Variants in CYFIP2 observed in about 807,000 individuals in gnomAD.
CYFIP2 encodes the protein cytoplasmic FMR1-interacting protein 2.
A neutral mutation model predicts 158.7 loss-of-function variants in CYFIP2; 29 were observed. The ratio of observed to expected loss-of-function variants is 0.18; its 90% CI spans 0.14 to 0.25. CYFIP2 has a LOEUF of 0.25. CYFIP2 is among the 10% of genes least tolerant of loss of function. The probability of loss-of-function intolerance (pLI) is 1.00; values close to 1 mark genes in which losing one functional copy is unlikely to be tolerated. For missense variants in CYFIP2, 852 were observed against 1,639.5 expected (o/e 0.52, Z 8.29); for synonymous variants, 585 against 617.6 (o/e 0.95, Z 0.78).
chr5:157,331,719 A>G (rs1328983318), intron 20 of CYFIP2, among the ~76,000 whole-genome samples: 4 of 152,162 alleles, frequency 2.6e-5, no homozygotes, highest in African/African-American at 9.7e-5. Flanking sequence ...ATCGGTTACA[A>G]TGCAGCCAGA....
chr5:157,378,324 GTTC>G lies in CYFIP2; in HGVS notation c.3040-4259_3040-4257del, dbSNP rs550056253. 7.7e-3 allele frequency among the ~76,000 whole-genome samples: 1,166 copies of G among 152,254 alleles called. 9 individuals carry two copies. The highest frequency in any genetic ancestry group is 8.5e-3 in the Non-Finnish European group (579 of 68,004). On this transcript the variant is annotated intron_variant, in intron 26 of 30. Coordinates refer to ENST00000620254, the MANE Select transcript of CYFIP2 (RefSeq NM_001037333.3). ...ACAGAAGAAGGTAGCTCAGACTCTT[GTTC>G]TTCTTCAAACTGCATATATACCACA...
chr5:157,320,367 G>A (rs761882533), intron 14 of CYFIP2, among the ~76,000 whole-genome samples: 1 of 152,198 alleles, frequency 6.6e-6, no homozygotes, highest in Non-Finnish European at 1.5e-5. Context: ...CAGACCTCTT[G>A]CCTCACACAA....
At chr5:157,384,037 A>G (rs10054755) in intron 28 of CYFIP2, among the ~76,000 whole-genome samples, 16,939 of 152,272 alleles carry the variant, frequency 0.11, 939 homozygotes, top group Middle Eastern at 0.17. Flanking sequence ...TACCTAGTTT[A>G]TCATGGTGGC....
At chr5:157,389,617 C>G in intron 29 of CYFIP2, 190 bp downstream of exon 29, 1 of 577,400 alleles carries the variant, frequency 1.7e-6, no homozygotes, top group South Asian at 2.2e-5. Flanking sequence ...TAGTAAGACC[C>G]TCACTGCCTG....
rs138596899 is a variant in CYFIP2, at chr5:157,336,283, G to A, written c.2386-2774G>A. On this transcript the variant is annotated intron_variant, in intron 21 of 30. Coordinates refer to ENST00000620254, the MANE Select transcript of CYFIP2 (RefSeq NM_001037333.3). ...AGCAAACAGAGTCTCAGCAAGACCC[G>A]ATGCTGAAGTTGAGAACGGGCAGCC... Among the ~76,000 whole-genome samples, 844 of 152,276 alleles carry A rather than the reference G, an allele frequency of 5.5e-3. 7 individuals carry two copies. The highest frequency in any genetic ancestry group is 0.019 in the African/African-American group (803 of 41,532).
At chr5:157,276,991 T>C (rs1278699605) in intron 1 of CYFIP2, 2 of 152,092 alleles carry the variant, frequency 1.3e-5, no homozygotes, top group African/African-American at 2.4e-5. Flanking sequence ...GATATGACTA[T>C]GTATTCTATG....
intron 28 of CYFIP2, among the ~76,000 whole-genome samples, chr5:157,385,822 G>C (rs1766624723): frequency 6.6e-6 from 1 of 152,076 alleles, no homozygotes; most frequent in African/African-American, 2.4e-5. Flanking sequence ...AAGGAATATT[G>C]ATGATTCCGG....
chr5:157,293,922 C>T (rs1475003588), intron 3 of CYFIP2, among the ~76,000 whole-genome samples: 1 of 152,108 alleles, frequency 6.6e-6, no homozygotes, highest in East Asian at 1.9e-4. Context: ...GAAAACAGGC[C>T]TCATGTGCTG....
At chr5:157,348,341 A>G (rs1762836004) in intron 23 of CYFIP2, among the ~76,000 whole-genome samples, 1 of 152,076 alleles carries the variant, frequency 6.6e-6, no homozygotes, top group African/African-American at 2.4e-5. Context: ...TGACCTCCCA[A>G]GGCTCAGGAG....
intron 23 of CYFIP2, among the ~76,000 whole-genome samples, chr5:157,354,895 T>C (rs1304906305): frequency 6.6e-6 from 1 of 152,168 alleles, no homozygotes; most frequent in Non-Finnish European, 1.5e-5. Context: ...TGCCAGGAAG[T>C]GTTCAGGGAA....
intron 18 of CYFIP2, among the ~76,000 whole-genome samples, chr5:157,327,173 A>G (rs1214947790): frequency 6.6e-6 from 1 of 152,204 alleles, no homozygotes; most frequent in Non-Finnish European, 1.5e-5. Context: ...ATCACTGATG[A>G]TGAGACCCTG....
chr5:157,285,528 C>T (rs571089246), intron 2 of CYFIP2, 50 bp downstream of exon 2: 3 of 1,503,144 alleles, frequency 2.0e-6, no homozygotes, highest in South Asian at 2.5e-5. Context: ...TCTGGGGATC[C>T]CCTAAGAGAG....
chr5:157,382,110 G>A lies in CYFIP2; in HGVS notation c.3040-480G>A, dbSNP rs765063381. On this transcript the variant is annotated intron_variant, in intron 26 of 30. Transcript: ENST00000620254. ...CGTCCCTCTTTTCTTGCTAGTTGAT[G>A]TCTGGTGTGGAGAAAACCAATCAGA... Among the ~76,000 whole-genome samples, 5 of 152,278 alleles carry A rather than the reference G, an allele frequency of 3.3e-5. 1 individual carries two copies. The highest frequency in any genetic ancestry group is 1.2e-4 in the African/African-American group (5 of 41,566).
chr5:157,368,538 C>T (rs1485279559), intron 26 of CYFIP2, among the ~76,000 whole-genome samples: 3 of 152,192 alleles, frequency 2.0e-5, no homozygotes, highest in African/African-American at 7.2e-5. Context: ...TTTCTCTTAG[C>T]CCAGACACAG....
At chr5:157,303,824 TC>T (rs1758986369) in intron 7 of CYFIP2, among the ~76,000 whole-genome samples, 1 of 151,512 alleles carries the variant, frequency 6.6e-6, no homozygotes, top group Non-Finnish European at 1.5e-5. Flanking sequence ...CCTGCCCCCC[TC>T]CCCACCGCCA....
chr5:157,272,984 A>C (rs1326498368), intron 1 of CYFIP2, among the ~76,000 whole-genome samples: 1 of 152,166 alleles, frequency 6.6e-6, no homozygotes. Context: ...CTCCTGCCTC[A>C]GCCTCCCGAG....
At chr5:157,328,573 A>AGT (rs1477905253) in intron 19 of CYFIP2, among the ~76,000 whole-genome samples, 1 of 152,170 alleles carries the variant, frequency 6.6e-6, no homozygotes, top group African/African-American at 2.4e-5. Flanking sequence ...AATACATGTC[A>AGT]GTGTCTCTTC....
At chr5:157,290,694 G>A (rs1042082781) in intron 3 of CYFIP2, among the ~76,000 whole-genome samples, 2 of 152,220 alleles carry the variant, frequency 1.3e-5, no homozygotes, top group East Asian at 3.8e-4. Flanking sequence ...GGCATGCAAT[G>A]CTGACATTCC....
chr5:157,337,577 A>G (rs113421442), intron 21 of CYFIP2, among the ~76,000 whole-genome samples: 161 of 152,344 alleles, frequency 1.1e-3, no homozygotes, highest in African/African-American at 3.5e-3. Context: ...TCTGAGTTTC[A>G]GAGAGGCAGA....
Sources: gnomAD v4.1 joint callset for allele counts (sites outside exome capture counted in the v4.1 genomes callset) on GRCh38, gnomAD v4.1.1 for gene constraint, MANE v1.5 for transcripts, NCBI Gene and HGNC (gene_info 2026-07-23, HGNC 2026-07-21) for gene names.